The following DPY19L2 variants were observed in gnomAD, a reference collection of about 807,000 sequenced individuals.
The protein encoded by DPY19L2 is probable C-mannosyltransferase DPY19L2.
Under a neutral mutation model 97.9 loss-of-function variants are expected in DPY19L2, and 34 were observed. The ratio of observed to expected loss-of-function variants is 0.35; its 90% CI spans 0.26 to 0.46. The LOEUF is 0.46. Among genes scored for constraint, DPY19L2 ranks in the 20% least tolerant of loss-of-function variants. DPY19L2 has a pLI of 1.00. For synonymous variants in DPY19L2, 230 were observed against 307.9 expected, an observed-to-expected ratio of 0.75 and a Z score of 2.65; for missense variants, 623 against 911.4, an observed-to-expected ratio of 0.68 and a Z score of 4.07.
At chr12:63,604,990 T>A (rs1885796745) in intron 12 of DPY19L2, among the ~76,000 whole-genome samples, 1 of 152,132 alleles carries the variant, frequency 6.6e-6, no homozygotes, top group Non-Finnish European at 1.5e-5. Context: ...GACAGTCACT[T>A]TGTTTTTAGG....
chr12:63,651,212 C>A (rs1234192672), intron 4 of DPY19L2, among the ~76,000 whole-genome samples: 1 of 152,116 alleles, frequency 6.6e-6, no homozygotes, highest in Non-Finnish European at 1.5e-5. Flanking sequence ...AAGCAGAAGA[C>A]TGAAACTTCA....
intron 3 of DPY19L2, among the ~76,000 whole-genome samples, chr12:63,662,986 G>A (rs975690694): frequency 1.4e-4 from 22 of 152,148 alleles, no homozygotes; most frequent in African/African-American, 5.3e-4. Flanking sequence ...GTGGACAGTG[G>A]TAATAGTTGC....
intron 16 of DPY19L2, among the ~76,000 whole-genome samples, chr12:63,591,868 C>T (rs774432071): frequency 3.3e-5 from 5 of 149,674 alleles, no homozygotes; most frequent in South Asian, 2.1e-4. Flanking sequence ...CGCGTGAGTC[C>T]GGGATGTCCA....
chr12:63,615,852 T>C (rs546596314), intron 11 of DPY19L2, among the ~76,000 whole-genome samples: 2 of 152,142 alleles, frequency 1.3e-5, no homozygotes, highest in Admixed American at 1.3e-4. Context: ...GTTTGCCACA[T>C]AATACATAAC....
intron 19 of DPY19L2, 35 bp downstream of exon 19, chr12:63,580,627 G>T: frequency 1.3e-6 from 2 of 1,558,520 alleles, no homozygotes. Context: ...CTGTATGTTT[G>T]TATAAAACTA....
At chr12:63,596,772 G>A (rs1884317698) in intron 14 of DPY19L2, among the ~76,000 whole-genome samples, 1 of 152,262 alleles carries the variant, frequency 6.6e-6, no homozygotes, top group South Asian at 2.1e-4. Context: ...GTCCTATGAA[G>A]AAAATTGAGC....
intron 21 of DPY19L2, among the ~76,000 whole-genome samples, chr12:63,565,485 T>A (rs1877489011): frequency 6.6e-6 from 1 of 152,196 alleles, no homozygotes; most frequent in South Asian, 2.1e-4. Flanking sequence ...CTCCTCCTTA[T>A]AAAGACTTTG....
At chr12:63,667,417 G>T (rs1896457199) in intron 1 of DPY19L2, among the ~76,000 whole-genome samples, 1 of 151,974 alleles carries the variant, frequency 6.6e-6, no homozygotes, top group African/African-American at 2.4e-5. Context: ...GAAAAAAAAT[G>T]ATATGGTGTA....
At chr12:63,635,886 T>C (rs1207966928) in intron 6 of DPY19L2, among the ~76,000 whole-genome samples, 2 of 152,034 alleles carry the variant, frequency 1.3e-5, no homozygotes, top group African/African-American at 4.8e-5. Context: ...TTGCCCAACC[T>C]AGCAAGGCAG....
At chr12:63,606,812 C>A (rs1383079782) in intron 12 of DPY19L2, among the ~76,000 whole-genome samples, 23 of 152,248 alleles carry the variant, frequency 1.5e-4, no homozygotes, top group African/African-American at 4.6e-4. Context: ...ATGATGCACA[C>A]AAAGTTCCCC....
chr12:63,625,967 AAT>A (rs1415078213), intron 7 of DPY19L2, among the ~76,000 whole-genome samples: 3 of 147,514 alleles, frequency 2.0e-5, no homozygotes, highest in African/African-American at 7.3e-5. Flanking sequence ...GTTTTTATAA[AAT>A]ATAACTATAA....
At chr12:63,587,500 CAAGTT>C (rs1881993094) in intron 16 of DPY19L2, among the ~76,000 whole-genome samples, 2 of 150,932 alleles carry the variant, frequency 1.3e-5, no homozygotes, top group Admixed American at 6.6e-5. Flanking sequence ...CAATAGATAG[CAAGTT>C]AATTTTAAAG....
chr12:63,621,362 T>C (rs1402936687), intron 8 of DPY19L2, 25 bp from the exon 9 acceptor site: 3 of 831,138 alleles, frequency 3.6e-6, no homozygotes, highest in Non-Finnish European at 5.9e-6. Context: ...TTGATACCAG[T>C]AAGTTTCACC....
chr12:63,605,117 G>A (rs561422104), intron 12 of DPY19L2, among the ~76,000 whole-genome samples: 245 of 152,178 alleles, frequency 1.6e-3, no homozygotes, highest in African/African-American at 5.7e-3. Context: ...TGGTGCCCTG[G>A]TGCTCCGTCT....
In DPY19L2 at chr12:63,600,433, A is replaced by C. The variant is rs2081616673; in HGVS notation, c.1279-47T>G. The C allele has an allele frequency of 2.9e-6, 4 of 1,361,908 alleles. No individual in the cohort carries two copies. The African/African-American group carries it at 4.3e-5, about 15-fold the overall frequency. 84.4% of individuals were successfully genotyped at this position (1,361,908 alleles called of 1,614,324 possible). ...CAGTATTTAAAACTACAAATCACCC[A>C]GCTAAAGTATTCAATTATGTCTACA... On this transcript the variant is annotated intron_variant, in intron 12 of 21. Transcript: ENST00000324472.
At chr12:63,634,051 C>T (rs1398948606) in intron 6 of DPY19L2, among the ~76,000 whole-genome samples, 2 of 147,732 alleles carry the variant, frequency 1.4e-5, no homozygotes, top group East Asian at 2.0e-4. Flanking sequence ...CATCACACAC[C>T]GGGGCCTATT....
In DPY19L2 at chr12:63,644,429, C is replaced by T; in HGVS notation, c.777G>A (p.Leu259=). ...TCAGGTATGCTCCATACATGAAGAA[C>T]AATCCCATCATTAGTCCATTTAAAA... ...IFILNGLMMG[L]FFMYGAYLSG... is the part of the protein sequence containing the mutation. Residue 259 remains leucine, a synonymous_variant, in exon 6 of 22, where the codon TTG becomes TTA. Coordinates refer to ENST00000324472, the MANE Select transcript of DPY19L2 (RefSeq NM_173812.5). 4 of 1,611,776 alleles carry T rather than the reference C, an allele frequency of 2.5e-6. No individual in the cohort carries two copies. The South Asian group carries it at 4.4e-5, about 18-fold the overall frequency.
intron 4 of DPY19L2, among the ~76,000 whole-genome samples, chr12:63,660,623 G>A (rs1032552402): frequency 6.6e-6 from 1 of 151,942 alleles, no homozygotes; most frequent in South Asian, 2.1e-4. Flanking sequence ...ACACATATTT[G>A]AATATTATTT....
chr12:63,651,125 A>G (rs1410033358), intron 4 of DPY19L2, among the ~76,000 whole-genome samples: 1 of 152,152 alleles, frequency 6.6e-6, no homozygotes, highest in African/African-American at 2.4e-5. Context: ...CTGATTTTCA[A>G]CAAACCTGAC....
Sources: allele counts gnomAD v4.1 joint callset (sites outside exome capture counted in the v4.1 genomes callset), GRCh38; gene constraint gnomAD v4.1.1; transcripts MANE v1.5; gene names NCBI Gene and HGNC (gene_info 2026-07-23, HGNC 2026-07-21).